The following PPM1L variants were observed in gnomAD, a reference collection of about 807,000 sequenced individuals.
The protein encoded by PPM1L is protein phosphatase, Mg2+/Mn2+ dependent 1L.
PPM1L carries 13 observed loss-of-function variants against 31.4 expected under a neutral mutation model. That is an observed-to-expected ratio of 0.41 (90% CI 0.27 to 0.66). The LOEUF (loss-of-function observed/expected upper bound fraction) is 0.66, where lower values mean the gene tolerates loss of function less well. PPM1L is among the 30% of genes least tolerant of loss of function. The probability of loss-of-function intolerance (pLI) is 0.29; values close to 1 mark genes in which losing one functional copy is unlikely to be tolerated. For synonymous variants in PPM1L, 184 were observed against 175.4 expected (o/e 1.05, Z -0.39); for missense variants, 326 against 453.7 (o/e 0.72, Z 2.56).
intron 1 of PPM1L, among the ~76,000 whole-genome samples, chr3:160,920,625 ACACACACACACACT>A (rs1244994154): frequency 5.9e-4 from 68 of 115,570 alleles, no homozygotes; most frequent in Admixed American, 7.6e-4. Context: ...TCACACACAC[ACACACACACACACT>A]CACACACACA....
chr3:161,014,680 C>T lies in PPM1L; in HGVS notation c.575-50723C>T, dbSNP rs540922169. Among the ~76,000 whole-genome samples the T allele has an allele frequency of 6.1e-4, 93 of 152,244 alleles. 2 individuals carry two copies. Among genetic ancestry groups the T allele is most frequent in the Admixed American group, 5.4e-3 (82 of 15,278 alleles). On this transcript the variant is annotated intron_variant, in intron 2 of 3. Transcript: ENST00000498165. ...AGTAGAGATGGGGTTTCACCTTGGT[C>T]AGCCTTGTCTCAAACTCCTGACCTC...
intron 1 of PPM1L, among the ~76,000 whole-genome samples, chr3:160,832,194 T>G (rs1713542346): frequency 6.6e-6 from 1 of 152,154 alleles, no homozygotes; most frequent in Non-Finnish European, 1.5e-5. Context: ...AATGTTTTAC[T>G]CCCTGAGTGG....
intron 1 of PPM1L, among the ~76,000 whole-genome samples, chr3:160,891,763 A>G (rs1280038288): frequency 6.6e-6 from 1 of 152,246 alleles, no homozygotes; most frequent in African/African-American, 2.4e-5. Flanking sequence ...CCCATCAGTG[A>G]TAGACTGGAT....
At chr3:160,867,789 T>C (rs1712147695) in intron 1 of PPM1L, among the ~76,000 whole-genome samples, 1 of 152,214 alleles carries the variant, frequency 6.6e-6, no homozygotes, top group Admixed American at 6.5e-5. Context: ...GTTAAACAGC[T>C]GTGCTGGAAA....
intron 1 of PPM1L, among the ~76,000 whole-genome samples, chr3:160,929,045 G>T (rs1714695630): frequency 6.6e-6 from 1 of 151,830 alleles, no homozygotes; most frequent in South Asian, 2.1e-4. Context: ...GTTTTGTTTT[G>T]CTTTGCTTAA....
intron 1 of PPM1L, among the ~76,000 whole-genome samples, chr3:160,843,737 T>A (rs1447240664): frequency 6.6e-6 from 1 of 151,720 alleles, no homozygotes; most frequent in Non-Finnish European, 1.5e-5. Flanking sequence ...TCCTCAGGGA[T>A]CTAGAACTAG....
intron 1 of PPM1L, among the ~76,000 whole-genome samples, chr3:160,916,109 G>A (rs147661962): frequency 0.016 from 2,483 of 152,134 alleles, 68 homozygotes; most frequent in African/African-American, 0.058. Context: ...AACTACCATC[G>A]GAGTGAACAG....
At chr3:160,994,488 C>G (rs1208133053) in intron 2 of PPM1L, among the ~76,000 whole-genome samples, 1 of 152,230 alleles carries the variant, frequency 6.6e-6, no homozygotes, top group Non-Finnish European at 1.5e-5. Flanking sequence ...AGCCTGTGTT[C>G]CATGGGACAG....
At position 160,854,127 on chromosome 3, in the gene PPM1L, A is replaced by T. The variant is rs540108085; in HGVS notation, c.399+97420A>T. ...GAGATCTTTCTTTCAGACCTTAGACATGTCTTTTACATATAAATTACTTAG... is the reference window on the plus strand; with the variant it reads ...GAGATCTTTCTTTCAGACCTTAGACTTGTCTTTTACATATAAATTACTTAG... On this transcript the variant is annotated intron_variant, in intron 1 of 3. Coordinates refer to ENST00000498165, the MANE Select transcript of PPM1L (RefSeq NM_139245.4). 3.3e-5 allele frequency among the ~76,000 whole-genome samples: 5 copies of T among 152,296 alleles called. 1 individual carries two copies. Among genetic ancestry groups the T allele is most frequent in the Admixed American group, 3.3e-4 (5 of 15,292 alleles).
chr3:160,955,817 A>ATT (rs375715474), intron 1 of PPM1L, among the ~76,000 whole-genome samples: 11 of 148,478 alleles, frequency 7.4e-5, no homozygotes, highest in African/African-American at 2.2e-4. Flanking sequence ...CGTCCGGATA[A>ATT]TTTTTTTTTT....
intron 1 of PPM1L, among the ~76,000 whole-genome samples, chr3:160,835,919 A>G (rs959604810): frequency 1.3e-5 from 2 of 152,022 alleles, no homozygotes; most frequent in South Asian, 4.2e-4. Context: ...GACATTATCC[A>G]GGGGGTATCT....
chr3:161,003,152 T>C (rs201586981), intron 2 of PPM1L, among the ~76,000 whole-genome samples: 1 of 150,876 alleles, frequency 6.6e-6, no homozygotes, highest in South Asian at 2.1e-4. Flanking sequence ...TAGTTGTAGA[T>C]AGGTGGCGTT....
At chr3:160,773,537 T>C (rs1488170358) in intron 1 of PPM1L, among the ~76,000 whole-genome samples, 1 of 152,204 alleles carries the variant, frequency 6.6e-6, no homozygotes, top group Non-Finnish European at 1.5e-5. Flanking sequence ...AAAAGAAAGA[T>C]TAGGGCCTGT....
At chr3:161,014,623 C>T (rs763042748) in intron 2 of PPM1L, among the ~76,000 whole-genome samples, 55 of 152,100 alleles carry the variant, frequency 3.6e-4, no homozygotes, top group Non-Finnish European at 5.6e-4. Flanking sequence ...TACAGGCACA[C>T]GCCACCACGC....
intron 2 of PPM1L, among the ~76,000 whole-genome samples, chr3:161,052,446 TG>T (rs1719306103): frequency 6.6e-6 from 1 of 152,214 alleles, no homozygotes; most frequent in Admixed American, 6.5e-5. Flanking sequence ...CCCAAAACCT[TG>T]GTTGATAGAT....
intron 1 of PPM1L, among the ~76,000 whole-genome samples, chr3:160,959,937 A>G (rs1055108873): frequency 1.3e-4 from 20 of 152,232 alleles, no homozygotes; most frequent in South Asian, 6.2e-4. Flanking sequence ...CTATATATAT[A>G]TGTGTTGCTT....
chr3:160,838,811 T>C (rs1329541138), intron 1 of PPM1L, among the ~76,000 whole-genome samples: 3 of 152,118 alleles, frequency 2.0e-5, no homozygotes, highest in Non-Finnish European at 4.4e-5. Context: ...ATTTTCTATA[T>C]TGGAGGGTCT....
At chr3:160,894,574 C>A (rs948101518) in intron 1 of PPM1L, among the ~76,000 whole-genome samples, 1 of 152,072 alleles carries the variant, frequency 6.6e-6, no homozygotes, top group African/African-American at 2.4e-5. Flanking sequence ...TTTTCAGAGG[C>A]CTGGAAAGGT....
chr3:160,828,741 T>C (rs908019489), intron 1 of PPM1L, among the ~76,000 whole-genome samples: 1 of 152,014 alleles, frequency 6.6e-6, no homozygotes, highest in African/African-American at 2.4e-5. Context: ...TTAGACTCCA[T>C]AACCTGCTCA....
Sources: allele counts gnomAD v4.1 joint callset (sites outside exome capture counted in the v4.1 genomes callset), GRCh38; gene constraint gnomAD v4.1.1; transcripts MANE v1.5; gene names NCBI Gene and HGNC (gene_info 2026-07-23, HGNC 2026-07-21).